The following DPP10 variants were observed in gnomAD, a reference collection of about 807,000 sequenced individuals.
DPP10 encodes the protein inactive dipeptidyl peptidase 10.
Under a neutral mutation model 120.9 loss-of-function variants are expected in DPP10, and 33 were observed. The ratio of observed to expected loss-of-function variants is 0.27; its 90% CI spans 0.21 to 0.37. The LOEUF is 0.37. Ranked by LOEUF, DPP10 falls within the 10% of genes least tolerant of loss-of-function variation. DPP10 has a pLI of 1.00. For missense variants in DPP10, 816 were observed against 942.8 expected, an observed-to-expected ratio of 0.87 and a Z score of 1.76; for synonymous variants, 337 against 326.1, an observed-to-expected ratio of 1.03 and a Z score of -0.36.
chr2:115,004,280 A>G (rs554893595), intron 1 of DPP10, among the ~76,000 whole-genome samples: 2 of 152,380 alleles, frequency 1.3e-5, no homozygotes, highest in Admixed American at 1.3e-4. Flanking sequence ...GTTTACAGTG[A>G]TCTATAATAC....
At chr2:115,271,448 A>G (rs948372695) in intron 1 of DPP10, among the ~76,000 whole-genome samples, 2 of 152,190 alleles carry the variant, frequency 1.3e-5, no homozygotes, top group Non-Finnish European at 2.9e-5. Flanking sequence ...GTCTTTGCTC[A>G]GCAGGTTGTT....
chr2:114,495,320 A>G (rs1052579800), intron 1 of DPP10, among the ~76,000 whole-genome samples: 7 of 152,182 alleles, frequency 4.6e-5, no homozygotes, highest in South Asian at 2.1e-4. Context: ...TAAAAGTTCA[A>G]CCACATTTAA....
At chr2:115,429,646 T>C (rs956419308) in intron 3 of DPP10, among the ~76,000 whole-genome samples, 3 of 152,208 alleles carry the variant, frequency 2.0e-5, no homozygotes, top group Non-Finnish European at 4.4e-5. Context: ...ACTAAGTGAA[T>C]GGCTTATATG....
At chr2:114,527,450 T>C (rs1685595451) in intron 1 of DPP10, among the ~76,000 whole-genome samples, 1 of 152,160 alleles carries the variant, frequency 6.6e-6, no homozygotes, top group Non-Finnish European at 1.5e-5. Context: ...CTGGTTTTCT[T>C]AGGCATGAAA....
chr2:114,991,050 G>A (rs561150498), intron 1 of DPP10, among the ~76,000 whole-genome samples: 1 of 152,214 alleles, frequency 6.6e-6, no homozygotes, highest in Admixed American at 6.5e-5. Flanking sequence ...ATTAAATAAT[G>A]TCTCTATAAC....
chr2:115,450,395 C>G (rs1021634022), intron 3 of DPP10, among the ~76,000 whole-genome samples: 1 of 151,916 alleles, frequency 6.6e-6, no homozygotes, highest in Non-Finnish European at 1.5e-5. Context: ...AGTTGAAGAC[C>G]ATCTGTATAT....
At chr2:115,729,701 G>T (rs2092852743) in intron 8 of DPP10, among the ~76,000 whole-genome samples, 1 of 152,146 alleles carries the variant, frequency 6.6e-6, no homozygotes, top group Non-Finnish European at 1.5e-5. Flanking sequence ...CTTGAGCTCG[G>T]GAGTTGAAGA....
intron 3 of DPP10, among the ~76,000 whole-genome samples, chr2:115,424,484 CA>C (rs576279012): frequency 1.5e-4 from 22 of 148,872 alleles, no homozygotes; most frequent in South Asian, 6.4e-4. Context: ...GATAGGAAAA[CA>C]AAAAAAAAGA....
At chr2:115,757,606 T>C (rs1219355687) in intron 11 of DPP10, among the ~76,000 whole-genome samples, 1 of 152,036 alleles carries the variant, frequency 6.6e-6, no homozygotes, top group Non-Finnish European at 1.5e-5. Flanking sequence ...GAGTTACAAT[T>C]CAAGATGTGA....
At chr2:114,581,847 C>A (rs1314851729) in intron 1 of DPP10, among the ~76,000 whole-genome samples, 1 of 152,170 alleles carries the variant, frequency 6.6e-6, no homozygotes, top group Non-Finnish European at 1.5e-5. Flanking sequence ...GAATGGGGCA[C>A]ACAGGGAGTA....
At chr2:114,610,904 A>G (rs916003600) in intron 1 of DPP10, among the ~76,000 whole-genome samples, 7 of 150,616 alleles carry the variant, frequency 4.6e-5, no homozygotes, top group Non-Finnish European at 1.0e-4. Context: ...TCAGGCCACC[A>G]CCACCCCCCT....
At chr2:115,484,914 A>G (rs2075674133) in intron 3 of DPP10, among the ~76,000 whole-genome samples, 1 of 152,154 alleles carries the variant, frequency 6.6e-6, no homozygotes, top group Non-Finnish European at 1.5e-5. Context: ...TCCTTCTTCT[A>G]AAAACATTAA....
intron 2 of DPP10, among the ~76,000 whole-genome samples, chr2:115,335,474 T>G (rs1488910698): frequency 6.6e-6 from 1 of 151,882 alleles, no homozygotes; most frequent in African/African-American, 2.4e-5. Context: ...TGACATAAAT[T>G]TAGACCATAT....
intron 5 of DPP10, among the ~76,000 whole-genome samples, chr2:115,676,999 A>G (rs1054396427): frequency 6.6e-6 from 1 of 152,206 alleles, no homozygotes; most frequent in African/African-American, 2.4e-5. Flanking sequence ...AGTGGAAACT[A>G]TACAGATCAG....
At chr2:115,102,195 C>T (rs951245703) in intron 1 of DPP10, among the ~76,000 whole-genome samples, 3 of 152,150 alleles carry the variant, frequency 2.0e-5, no homozygotes, top group Non-Finnish European at 2.9e-5. Context: ...TGTGTCCTCA[C>T]AGGGCAGAGA....
At chr2:114,755,141 G>C (rs1275873707) in intron 1 of DPP10, among the ~76,000 whole-genome samples, 1 of 152,150 alleles carries the variant, frequency 6.6e-6, no homozygotes, top group Admixed American at 6.5e-5. Context: ...CAAGTATAAA[G>C]GAGAAATCTT....
At chr2:115,720,562 A>G (rs889025402) in intron 7 of DPP10, among the ~76,000 whole-genome samples, 3 of 152,102 alleles carry the variant, frequency 2.0e-5, no homozygotes, top group Non-Finnish European at 2.9e-5. Flanking sequence ...TCTGATAAAA[A>G]ATAACTGTAA....
intron 1 of DPP10, among the ~76,000 whole-genome samples, chr2:114,491,421 T>A (rs1418118161): frequency 1.3e-5 from 2 of 152,202 alleles, no homozygotes; most frequent in Non-Finnish European, 2.9e-5. Flanking sequence ...GCAATGGATA[T>A]CCTTTGTATA....
intron 1 of DPP10, among the ~76,000 whole-genome samples, chr2:114,954,068 G>A (rs957493333): frequency 2.9e-5 from 4 of 138,636 alleles, no homozygotes; most frequent in African/African-American, 1.1e-4. Flanking sequence ...TTAAAGATGA[G>A]ATTAAGAAGT....
Sources: allele counts gnomAD v4.1 joint callset (sites outside exome capture counted in the v4.1 genomes callset), GRCh38; gene constraint gnomAD v4.1.1; transcripts MANE v1.5; gene names NCBI Gene and HGNC (gene_info 2026-07-23, HGNC 2026-07-21).